The following CEP83 variants were observed in gnomAD, a reference collection of about 807,000 sequenced individuals.
CEP83 encodes centrosomal protein of 83 kDa.
In CEP83, 70 loss-of-function variants were observed where a neutral mutation model predicts 101.9. That is an observed-to-expected ratio of 0.69 (90% CI 0.57 to 0.84). The LOEUF is 0.84. Among genes scored for constraint, CEP83 ranks in the 40% least tolerant of loss-of-function variants. CEP83 has a pLI of 0.00. For missense variants in CEP83, 715 were observed against 787.2 expected, an observed-to-expected ratio of 0.91 and a Z score of 1.10; for synonymous variants, 264 against 267.9, an observed-to-expected ratio of 0.99 and a Z score of 0.14.
chr12:94,342,348 C>T (rs1007358032), intron 11 of CEP83, among the ~76,000 whole-genome samples: 2 of 152,108 alleles, frequency 1.3e-5, no homozygotes, highest in East Asian at 1.9e-4. Context: ...TTGAGGATAA[C>T]AGCAGATGTC....
chr12:94,377,617 A>G (rs1221615763), intron 7 of CEP83, among the ~76,000 whole-genome samples: 1 of 152,222 alleles, frequency 6.6e-6, no homozygotes, highest in Admixed American at 6.5e-5. Flanking sequence ...TCATACGCTT[A>G]TTTTCATTTC....
At chr12:94,287,306 T>C in the CEP83 span, among the ~76,000 whole-genome samples, 1 of 152,188 alleles carries the variant, frequency 6.6e-6, no homozygotes, top group African/African-American at 2.4e-5. Context: ...GTGCGTTGAC[T>C]ATGAAGGGGA....
At chr12:94,304,219 G>A (rs990197490), downstream of CEP83, 4 of 540,304 alleles carry the variant, frequency 7.4e-6, no homozygotes, top group Admixed American at 6.8e-5. Context: ...CCCTGTACAT[G>A]GCTGCCCCCC....
intron 11 of CEP83, among the ~76,000 whole-genome samples, chr12:94,365,940 G>C (rs1415614861): frequency 6.6e-6 from 1 of 151,946 alleles, no homozygotes; most frequent in Non-Finnish European, 1.5e-5. Context: ...TGATAAGAAA[G>C]AAGGAAAAAT....
intron 11 of CEP83, among the ~76,000 whole-genome samples, chr12:94,364,281 A>G (rs985859585): frequency 2.0e-5 from 3 of 152,184 alleles, no homozygotes; most frequent in African/African-American, 7.2e-5. Flanking sequence ...TATTTTAACA[A>G]TTTTCAAATA....
At chr12:94,441,104 T>C (rs1219582424) in intron 1 of CEP83, among the ~76,000 whole-genome samples, 2 of 152,168 alleles carry the variant, frequency 1.3e-5, no homozygotes, top group African/African-American at 4.8e-5. Context: ...GAAAAACTCT[T>C]CTAGACATTG....
At chr12:94,420,145 C>T (rs1287317933) in intron 2 of CEP83, among the ~76,000 whole-genome samples, 4 of 151,776 alleles carry the variant, frequency 2.6e-5, no homozygotes, top group Non-Finnish European at 5.9e-5. Context: ...AAAAGACTGA[C>T]GATAAGTCTG....
chr12:94,294,112 C>T, the CEP83 span, among the ~76,000 whole-genome samples: 1 of 152,178 alleles, frequency 6.6e-6, no homozygotes, highest in Admixed American at 6.5e-5. Flanking sequence ...ATGAAACTGG[C>T]CTAGGTCTTG....
intron 2 of CEP83, among the ~76,000 whole-genome samples, chr12:94,423,299 G>C (rs1646807092): frequency 6.6e-6 from 1 of 152,026 alleles, no homozygotes; most frequent in Non-Finnish European, 1.5e-5. Context: ...GGTCAGGCTG[G>C]TCTTGAATTC....
intron 14 of CEP83, among the ~76,000 whole-genome samples, chr12:94,313,426 T>C (rs1185360959): frequency 1.3e-5 from 2 of 151,588 alleles, no homozygotes; most frequent in African/African-American, 4.9e-5. Context: ...TCCCAGTGCT[T>C]TGGGAGGCTG....
intron 2 of CEP83, among the ~76,000 whole-genome samples, chr12:94,432,889 A>G (rs1424118411): frequency 2.0e-5 from 3 of 152,206 alleles, no homozygotes; most frequent in African/African-American, 7.2e-5. Context: ...AAAGAGAGGA[A>G]CTTCAAAAAA....
At chr12:94,348,172 G>A (rs976236104) in intron 11 of CEP83, among the ~76,000 whole-genome samples, 14 of 151,552 alleles carry the variant, frequency 9.2e-5, no homozygotes, top group Admixed American at 1.3e-4. Context: ...GAAAGCACAC[G>A]TATAGAACAA....
chr12:94,329,931 C>T (rs2059132354), intron 14 of CEP83, among the ~76,000 whole-genome samples: 1 of 152,058 alleles, frequency 6.6e-6, no homozygotes, highest in Non-Finnish European at 1.5e-5. Flanking sequence ...AAGTAATATT[C>T]AGAGACCAAG....
chr12:94,292,658 AATTT>A, the CEP83 span, among the ~76,000 whole-genome samples: 7 of 152,328 alleles, frequency 4.6e-5, no homozygotes, highest in East Asian at 1.9e-4. Flanking sequence ...TTAAACACAG[AATTT>A]ATTTATGTTT....
chr12:94,368,577 A>T (rs1209141934), intron 9 of CEP83: 1 of 161,426 alleles, frequency 6.2e-6, no homozygotes, highest in Non-Finnish European at 1.3e-5. Context: ...GGCTGATAGC[A>T]GAGTGAAATA....
At chr12:94,280,722 A>G in the CEP83 span, among the ~76,000 whole-genome samples, 2 of 152,190 alleles carry the variant, frequency 1.3e-5, no homozygotes, top group Non-Finnish European at 2.9e-5. Context: ...CCTTGCTCTG[A>G]GCATACATCT....
intron 1 of CEP83, among the ~76,000 whole-genome samples, chr12:94,445,787 G>C (rs2066754414): frequency 6.6e-6 from 1 of 152,074 alleles, no homozygotes; most frequent in Non-Finnish European, 1.5e-5. Context: ...AGATTCACTG[G>C]GAGATTGAAA....
Position 94,406,954 on chromosome 12 carries a change from G to C in CEP83, c.325-3692C>G, listed in dbSNP as rs375468824. Reference sequence around the variant, plus strand: ...AACAAAAAAAAAAAAACAAAATTGAGCTTCCAGAGACGAAAACTACAATTT... The same window carrying C: ...AACAAAAAAAAAAAAACAAAATTGACCTTCCAGAGACGAAAACTACAATTT... On this transcript the variant is annotated intron_variant, in intron 4 of 16. Transcript: ENST00000397809. 4.6e-5 allele frequency among the ~76,000 whole-genome samples: 7 copies of C among 150,542 alleles called. 1 individual carries two copies. Among genetic ancestry groups the C allele is most frequent in the African/African-American group, 1.7e-4 (7 of 40,964 alleles).
At chr12:94,328,651 A>G (rs1487267614) in intron 14 of CEP83, among the ~76,000 whole-genome samples, 4 of 152,214 alleles carry the variant, frequency 2.6e-5, no homozygotes, top group Non-Finnish European at 5.9e-5. Flanking sequence ...ATTATCTTTA[A>G]CTTGAATGGG....
Sources: gnomAD v4.1 joint callset for allele counts (sites outside exome capture counted in the v4.1 genomes callset) on GRCh38, gnomAD v4.1.1 for gene constraint, MANE v1.5 for transcripts, NCBI Gene and HGNC (gene_info 2026-07-23, HGNC 2026-07-21) for gene names.